The following HEXB variants were observed in gnomAD, a reference collection of about 807,000 sequenced individuals.
HEXB encodes hexosaminidase subunit beta.
HEXB carries 51 observed loss-of-function variants against 71.2 expected under a neutral mutation model. The observed-to-expected ratio is 0.72, with a 90% CI of 0.57 to 0.90. HEXB has a LOEUF of 0.90. Among genes scored for constraint, HEXB ranks in the 40% least tolerant of loss-of-function variants. HEXB has a pLI of 0.00. For missense variants in HEXB, 617 were observed against 677.0 expected (o/e 0.91, Z 0.98); for synonymous variants, 266 against 249.3 (o/e 1.07, Z -0.63).
upstream of HEXB, among the ~76,000 whole-genome samples, chr5:74,681,938 C>T (rs555346323): frequency 6.6e-6 from 1 of 152,348 alleles, no homozygotes; most frequent in South Asian, 2.1e-4. Context: ...TGCTGTCTTT[C>T]TCAGATCATT....
chr5:74,689,921 T>C (rs1748959580), intron 2 of HEXB: 1 of 190,264 alleles, frequency 5.3e-6, no homozygotes, highest in East Asian at 1.5e-4. Flanking sequence ...TTTTCTGTGA[T>C]ATCATTTTCA....
chr5:74,650,096 T>C (rs529494107), intron 1 of HEXB, among the ~76,000 whole-genome samples: 24 of 152,352 alleles, frequency 1.6e-4, no homozygotes, highest in Admixed American at 5.9e-4. Flanking sequence ...GACATTATGT[T>C]TAAAAACCCA....
intron 1 of HEXB, among the ~76,000 whole-genome samples, chr5:74,664,125 G>A (rs1052908051): frequency 2.0e-5 from 3 of 151,784 alleles, no homozygotes; most frequent in East Asian, 1.9e-4. Context: ...GTGTGGTGGC[G>A]CATGCCTGTA....
chr5:74,675,394 G>T (rs1177614023), intron 1 of HEXB, among the ~76,000 whole-genome samples: 1 of 152,180 alleles, frequency 6.6e-6, no homozygotes, highest in South Asian at 2.1e-4. Context: ...GGCTTAGTCA[G>T]GTCTCAGAGC....
chr5:74,713,629 G>A lies in HEXB; in HGVS notation c.895G>A (p.Gly299Arg), dbSNP rs398123451. 6.2e-7 allele frequency: 1 copy of A among 1,612,520 alleles called. No individual in the cohort carries two copies. The highest frequency in any genetic ancestry group is 1.7e-4 in the Middle Eastern group (1 of 6,058). The part of the protein sequence containing the change: ...FDTPGHTLSW[G>R]KGQKDLLTPC... The stretch of plus-strand genomic sequence containing the variant: ...TACCCCTGGGCATACACTATCTTGG[G>A]GAAAAGGTAAGGAGTTGTATTTTAT... The change falls in exon 7 of 14, where the codon GGA (glycine) becomes AGA (arginine). Residue 299 changes from glycine (G) to arginine (R), a missense_variant. Coordinates refer to ENST00000261416, the MANE Select transcript of HEXB (RefSeq NM_000521.4).
chr5:74,700,858 C>T (rs2112148787), intron 5 of HEXB, among the ~76,000 whole-genome samples: 1 of 152,170 alleles, frequency 6.6e-6, no homozygotes, highest in East Asian at 1.9e-4. Flanking sequence ...CAGGTGCCCG[C>T]CATCATGCCT....
chr5:74,715,043 CTGATGGA>C (rs1174210039), intron 7 of HEXB, among the ~76,000 whole-genome samples: 1 of 152,122 alleles, frequency 6.6e-6, no homozygotes, highest in Non-Finnish European at 1.5e-5. Flanking sequence ...AATTTGGCAA[CTGATGGA>C]CTCCAGGAGA....
intron 1 of HEXB, among the ~76,000 whole-genome samples, chr5:74,665,414 C>CTGTGTG (rs34012729): frequency 1.7e-3 from 262 of 150,178 alleles, no homozygotes; most frequent in African/African-American, 5.9e-3. Context: ...ACACTTTTCT[C>CTGTGTG]TGTGTGTGTG....
At position 74,721,248 on chromosome 5, in the gene HEXB, T is replaced by C; in HGVS notation, c.*73T>C. ...TATTTTGAAATCATGTAAAATAAGA[T>C]ATTAGACTGTTTTTTGAATAAAATA... is the stretch of plus-strand genomic sequence containing the variant. On this transcript the variant is annotated 3_prime_UTR_variant, in exon 14 of 14. Coordinates refer to ENST00000261416, the MANE Select transcript of HEXB (RefSeq NM_000521.4). 8.5e-7 allele frequency: 1 copy of C among 1,178,072 alleles called. No individual in the cohort carries two copies. Among genetic ancestry groups the C allele is most frequent in the Admixed American group, 1.7e-5 (1 of 58,584 alleles). The allele number at this position is 1,178,072 out of a possible 1,614,324, so 73.0% of individuals were successfully genotyped here. A position where few individuals can be genotyped will look rare whatever the true frequency, so the allele number is the denominator to read the frequency against.
At chr5:74,683,681 G>A (rs1452624213), upstream of HEXB, among the ~76,000 whole-genome samples, 8 of 152,058 alleles carry the variant, frequency 5.3e-5, no homozygotes, top group Admixed American at 6.5e-5. Context: ...AGAAAGGGGA[G>A]CAGGAGAAAG....
intron 6 of HEXB, among the ~76,000 whole-genome samples, chr5:74,712,659 A>G (rs1255794001): frequency 6.6e-6 from 1 of 152,134 alleles, no homozygotes; most frequent in Non-Finnish European, 1.5e-5. Flanking sequence ...CATGTGTCCT[A>G]CAGTTTCCCA....
At position 74,721,052 on chromosome 5, in the gene HEXB, A is replaced by C. The variant is rs141762746; in HGVS notation, c.1614-66A>C. Reference sequence around the variant, plus strand: ...TCTAAGATGACATGAATATCAATCTAAAATATCTTTATGAATGATATCAAT... The same window carrying C: ...TCTAAGATGACATGAATATCAATCTCAAATATCTTTATGAATGATATCAAT... On this transcript the variant is annotated intron_variant, in intron 13 of 13. Transcript: ENST00000261416. 0.023 allele frequency: 29,006 copies of C among 1,260,502 alleles called. 446 individuals are homozygous for C. Among genetic ancestry groups the C allele is most frequent in the Middle Eastern group, 0.039 (197 of 5,030 alleles). The allele number at this position is 1,260,502 out of a possible 1,614,324, so 78.1% of individuals were successfully genotyped here. A position where few individuals can be genotyped will look rare whatever the true frequency, so the allele number is the denominator to read the frequency against.
At chr5:74,659,378 G>C (rs994805979) in intron 1 of HEXB, among the ~76,000 whole-genome samples, 1 of 152,180 alleles carries the variant, frequency 6.6e-6, no homozygotes, top group Non-Finnish European at 1.5e-5. Flanking sequence ...ACAATCCCCA[G>C]TGCAGGGCAG....
chr5:74,658,380 G>C (rs1748258032), intron 1 of HEXB, among the ~76,000 whole-genome samples: 1 of 152,182 alleles, frequency 6.6e-6, no homozygotes, highest in Admixed American at 6.5e-5. Context: ...CTTGCCCAAA[G>C]ACAGGTCAGC....
chr5:74,705,436 T>G, intron 6 of HEXB, 116 bp downstream of exon 6: 1 of 726,840 alleles, frequency 1.4e-6, no homozygotes, highest in Admixed American at 2.3e-5. Flanking sequence ...ATCAGATGTT[T>G]ATGGTTTTTA....
At chr5:74,713,070 C>T (rs1211598066) in intron 6 of HEXB, among the ~76,000 whole-genome samples, 2 of 152,112 alleles carry the variant, frequency 1.3e-5, no homozygotes, top group Non-Finnish European at 2.9e-5. Flanking sequence ...GCAGTGTTTT[C>T]GGAAGTTTCA....
At position 74,696,710 on chromosome 5, in the gene HEXB, CAGTT is replaced by C. The variant is rs1169072396; in HGVS notation, c.534_537del (p.Leu178PhefsTer28). The C allele has an allele frequency of 6.9e-7, 1 of 1,441,896 alleles. No homozygotes were observed. Among genetic ancestry groups the C allele is most frequent in the Non-Finnish European group, 9.8e-7 (1 of 1,024,472 alleles). The allele number at this position is 1,441,896 out of a possible 1,614,324, so 89.3% of individuals were successfully genotyped here. On this transcript the variant is annotated frameshift_variant, in exon 4 of 14. Coordinates refer to ENST00000261416, the MANE Select transcript of HEXB (RefSeq NM_000521.4). LOFTEE classifies it high-confidence loss of function. The stretch of plus-strand genomic sequence containing the variant: ...TTCCTCAGGTTTAGAGACCTTTAGC[CAGTT>C]AGTTTATCAAGATTCTTATGGAACT...
intron 1 of HEXB, among the ~76,000 whole-genome samples, chr5:74,658,794 C>T (rs12152861): frequency 0.44 from 66,458 of 151,902 alleles, 16,063 homozygotes; most frequent in East Asian, 0.63. Context: ...CCTTTTCCTG[C>T]GATAACTAGG....
chr5:74,664,084 C>T (rs1748385759), intron 1 of HEXB, among the ~76,000 whole-genome samples: 1 of 151,792 alleles, frequency 6.6e-6, no homozygotes, highest in South Asian at 2.1e-4. Flanking sequence ...GGTGAAACCC[C>T]GTCTCTACTA....
Sources: allele counts gnomAD v4.1 joint callset (sites outside exome capture counted in the v4.1 genomes callset), GRCh38; gene constraint gnomAD v4.1.1; transcripts MANE v1.5; gene names NCBI Gene and HGNC (gene_info 2026-07-23, HGNC 2026-07-21).